The following IGF2BP3 variants were observed in gnomAD, a reference collection of about 807,000 sequenced individuals.
IGF2BP3 encodes insulin-like growth factor 2 mRNA-binding protein 3.
A neutral mutation model predicts 73.8 loss-of-function variants in IGF2BP3; 9 were observed. The observed-to-expected ratio is 0.12, with a 90% CI of 0.07 to 0.21. The LOEUF (loss-of-function observed/expected upper bound fraction) is 0.21, where lower values mean the gene tolerates loss of function less well. Among genes scored for constraint, IGF2BP3 ranks in the 10% least tolerant of loss-of-function variants. IGF2BP3 has a pLI of 1.00. For missense variants in IGF2BP3, 542 were observed against 714.0 expected (o/e 0.76, Z 2.75); for synonymous variants, 258 against 256.7 (o/e 1.01, Z -0.05).
intron 5 of IGF2BP3, among the ~76,000 whole-genome samples, chr7:23,359,196 C>A (rs1785165832): frequency 6.6e-6 from 1 of 152,198 alleles, no homozygotes; most frequent in Non-Finnish European, 1.5e-5. Context: ...GGTTAGGATT[C>A]TTTTCAGCAA....
chr7:23,448,293 T>C (rs966725695), intron 2 of IGF2BP3, among the ~76,000 whole-genome samples: 3 of 152,264 alleles, frequency 2.0e-5, no homozygotes, highest in Non-Finnish European at 2.9e-5. Flanking sequence ...GTAGGGTTCA[T>C]TTCAGTTTGA....
intron 2 of IGF2BP3, among the ~76,000 whole-genome samples, chr7:23,440,671 T>C (rs1037209266): frequency 2.6e-4 from 39 of 152,314 alleles, no homozygotes; most frequent in African/African-American, 7.5e-4. Context: ...ATACTGTCTA[T>C]TGGGGGAGCG....
chr7:23,451,247 G>C (rs1449124189), intron 2 of IGF2BP3, among the ~76,000 whole-genome samples: 1 of 152,016 alleles, frequency 6.6e-6, no homozygotes, highest in Non-Finnish European at 1.5e-5. Context: ...GTGAAACCTG[G>C]TCTCTACTAA....
intron 3 of IGF2BP3, among the ~76,000 whole-genome samples, chr7:23,410,224 G>A (rs1157683764): frequency 2.0e-5 from 3 of 152,012 alleles, no homozygotes; most frequent in Non-Finnish European, 4.4e-5. Context: ...AGGTGTGGTG[G>A]TATGCACCTG....
chr7:23,448,468 G>A (rs901110759), intron 2 of IGF2BP3, among the ~76,000 whole-genome samples: 2 of 152,110 alleles, frequency 1.3e-5, no homozygotes, highest in Non-Finnish European at 2.9e-5. Context: ...GGAGGGCGTA[G>A]CACAACCACA....
At chr7:23,423,847 C>A (rs1765181246) in intron 2 of IGF2BP3, among the ~76,000 whole-genome samples, 2 of 152,148 alleles carry the variant, frequency 1.3e-5, no homozygotes, top group African/African-American at 4.8e-5. Flanking sequence ...AGGCCAGGCA[C>A]AGTGGCTTAA....
chr7:23,407,726 A>G (rs274038), intron 3 of IGF2BP3, among the ~76,000 whole-genome samples: 145,819 of 152,004 alleles, frequency 0.96, 69,988 homozygotes, highest in East Asian at 1. Flanking sequence ...GAAAAGGTAA[A>G]CATGTTTTCC....
At chr7:23,409,577 C>T (rs531404196) in intron 3 of IGF2BP3, among the ~76,000 whole-genome samples, 1 of 152,152 alleles carries the variant, frequency 6.6e-6, no homozygotes, top group Non-Finnish European at 1.5e-5. Context: ...AGTCCAGAAA[C>T]AGACCCACAC....
intron 3 of IGF2BP3, among the ~76,000 whole-genome samples, chr7:23,410,279 C>A (rs1786978346): frequency 6.6e-6 from 1 of 152,076 alleles, no homozygotes; most frequent in Non-Finnish European, 1.5e-5. Context: ...ATCACCTGAG[C>A]CCAGGAAGTC....
intron 2 of IGF2BP3, among the ~76,000 whole-genome samples, chr7:23,438,748 T>C (rs1219062337): frequency 3.9e-5 from 6 of 152,208 alleles, no homozygotes; most frequent in Admixed American, 1.3e-4. Flanking sequence ...ACCCTAGTTG[T>C]GGTCCTTTAA....
intron 14 of IGF2BP3, 38 bp downstream of exon 14, chr7:23,312,697 T>G: frequency 2.1e-5 from 30 of 1,397,838 alleles, no homozygotes; most frequent in Non-Finnish European, 2.6e-5. Flanking sequence ...TGCTTCCACG[T>G]GAGAAAGATA....
chr7:23,452,495 T>C (rs1355481942), intron 2 of IGF2BP3, among the ~76,000 whole-genome samples: 1 of 152,148 alleles, frequency 6.6e-6, no homozygotes, highest in Non-Finnish European at 1.5e-5. Context: ...TTAAAGTGCT[T>C]ATTCTTTCCC....
chr7:23,431,655 CA>C (rs1787681055), intron 2 of IGF2BP3, among the ~76,000 whole-genome samples: 1 of 151,996 alleles, frequency 6.6e-6, no homozygotes, highest in African/African-American at 2.4e-5. Flanking sequence ...AAAAAGATTA[CA>C]AGGTCCCCTA....
intron 11 of IGF2BP3, among the ~76,000 whole-genome samples, chr7:23,318,920 G>A (rs1044226211): frequency 6.6e-6 from 1 of 152,188 alleles, no homozygotes; most frequent in Admixed American, 6.5e-5. Flanking sequence ...TGGGGGCAGA[G>A]CCAACACCCA....
At chr7:23,439,093 AC>A (rs774331953) in intron 2 of IGF2BP3, among the ~76,000 whole-genome samples, 2 of 152,044 alleles carry the variant, frequency 1.3e-5, no homozygotes, top group Non-Finnish European at 2.9e-5. Flanking sequence ...AATTTTTAAA[AC>A]TAGCTGGGCA....
intron 3 of IGF2BP3, among the ~76,000 whole-genome samples, chr7:23,377,530 G>GA (rs1785766655): frequency 6.6e-6 from 1 of 152,206 alleles, no homozygotes; most frequent in South Asian, 2.1e-4. Context: ...TCGTTGGTGG[G>GA]AATGTAAAAT....
intron 3 of IGF2BP3, among the ~76,000 whole-genome samples, chr7:23,412,449 A>T (rs924969915): frequency 2.0e-5 from 3 of 152,236 alleles, no homozygotes; most frequent in Non-Finnish European, 4.4e-5. Context: ...TGTGATTTTT[A>T]AGTATGTATT....
intron 2 of IGF2BP3, among the ~76,000 whole-genome samples, chr7:23,428,702 CTTTTTCTT>C (rs1368525937): frequency 1.4e-5 from 2 of 146,770 alleles, no homozygotes; most frequent in African/African-American, 2.6e-5. Flanking sequence ...GAGCAAGCCT[CTTTTTCTT>C]TTTTTCTTTT....
intron 10 of IGF2BP3, 145 bp downstream of exon 10, chr7:23,341,919 C>T: frequency 9.8e-6 from 8 of 818,872 alleles, no homozygotes; most frequent in Non-Finnish European, 1.4e-5. Context: ...AATCCCATGT[C>T]TACTCCACAA....
Sources: allele counts gnomAD v4.1 joint callset (sites outside exome capture counted in the v4.1 genomes callset), GRCh38; gene constraint gnomAD v4.1.1; transcripts MANE v1.5; gene names NCBI Gene and HGNC (gene_info 2026-07-23, HGNC 2026-07-21).